QTMAN: variants seen among roughly 807,000 people sequenced by gnomAD.
The protein encoded by QTMAN is queuosine-tRNA mannosyltransferase, also known as tRNA-queuosine alpha-mannosyltransferase.
the QTMAN span, among the ~76,000 whole-genome samples, chr2:144,331,385 T>C: frequency 6.6e-6 from 1 of 152,062 alleles, no homozygotes; most frequent in South Asian, 2.1e-4. Flanking sequence ...ACCACTATTT[T>C]AAGCTTTAAA....
At chr2:144,277,654 A>AT in the QTMAN span, among the ~76,000 whole-genome samples, 1 of 150,876 alleles carries the variant, frequency 6.6e-6, no homozygotes, top group African/African-American at 2.4e-5. Context: ...CACCTACAAA[A>AT]TTTTTTTTTT....
At chr2:144,096,337 G>A in the QTMAN span, among the ~76,000 whole-genome samples, 2 of 152,158 alleles carry the variant, frequency 1.3e-5, no homozygotes, top group Non-Finnish European at 2.9e-5. Context: ...TTAAAAGAGA[G>A]CCACGCTTTC....
the QTMAN span, among the ~76,000 whole-genome samples, chr2:144,215,483 T>C: frequency 6.6e-6 from 1 of 152,068 alleles, no homozygotes; most frequent in Non-Finnish European, 1.5e-5. Context: ...CACAAATAAC[T>C]GGATAAGTAT....
the QTMAN span, among the ~76,000 whole-genome samples, chr2:144,108,824 A>G: frequency 3.3e-5 from 5 of 152,292 alleles, no homozygotes; most frequent in Non-Finnish European, 5.9e-5. Flanking sequence ...TGCTTCAAAG[A>G]GAATAAAATA....
chr2:144,316,317 C>T, the QTMAN span, among the ~76,000 whole-genome samples: 9 of 151,880 alleles, frequency 5.9e-5, no homozygotes, highest in East Asian at 3.9e-4. Flanking sequence ...TGTTACAGAG[C>T]TGCATATATC....
chr2:144,320,588 A>G, the QTMAN span, among the ~76,000 whole-genome samples: 36 of 152,048 alleles, frequency 2.4e-4, no homozygotes, highest in Non-Finnish European at 4.0e-4. Flanking sequence ...CAGTTCTCCA[A>G]CTTTGGCCTG....
At chr2:144,144,329 G>A in the QTMAN span, among the ~76,000 whole-genome samples, 1 of 151,826 alleles carries the variant, frequency 6.6e-6, no homozygotes, top group Non-Finnish European at 1.5e-5. Flanking sequence ...TCCCTGATAT[G>A]AGTGGATGTA....
At chr2:144,284,128 G>C in the QTMAN span, among the ~76,000 whole-genome samples, 1 of 151,876 alleles carries the variant, frequency 6.6e-6, no homozygotes, top group Non-Finnish European at 1.5e-5. Flanking sequence ...TAATCATACT[G>C]CTGTTCTACT....
the QTMAN span, among the ~76,000 whole-genome samples, chr2:144,263,401 ACATGTTGT>A: frequency 6.6e-6 from 1 of 152,094 alleles, no homozygotes; most frequent in Non-Finnish European, 1.5e-5. Flanking sequence ...AGATGTCTGG[ACATGTTGT>A]CACTATATTT....
chr2:144,324,618 A>AAGG, the QTMAN span, among the ~76,000 whole-genome samples: 1 of 152,166 alleles, frequency 6.6e-6, no homozygotes, highest in Non-Finnish European at 1.5e-5. Flanking sequence ...TCAGGCAATG[A>AAGG]CCTAGGAATT....
the QTMAN span, among the ~76,000 whole-genome samples, chr2:144,316,138 G>A: frequency 6.6e-6 from 1 of 151,968 alleles, no homozygotes; most frequent in African/African-American, 2.4e-5. Context: ...CTTCTCATGA[G>A]GCTGGGACGA....
the QTMAN span, among the ~76,000 whole-genome samples, chr2:144,061,993 T>G: frequency 3.9e-5 from 6 of 152,054 alleles, no homozygotes; most frequent in Admixed American, 1.3e-4. Context: ...GAGAGCCACC[T>G]CCATCATTCA....
At chr2:144,068,434 A>G in the QTMAN span, among the ~76,000 whole-genome samples, 1 of 152,236 alleles carries the variant, frequency 6.6e-6, no homozygotes, top group African/African-American at 2.4e-5. Context: ...CAAAAACATC[A>G]TCACAAAAGC....
the QTMAN span, among the ~76,000 whole-genome samples, chr2:144,296,698 C>T: frequency 6.6e-6 from 1 of 152,062 alleles, no homozygotes; most frequent in African/African-American, 2.4e-5. Flanking sequence ...AACACTGTAC[C>T]ATGTTGAAAC....
chr2:144,098,847 GA>G, the QTMAN span, among the ~76,000 whole-genome samples: 4,784 of 134,410 alleles, frequency 0.036, 191 homozygotes, highest in East Asian at 0.2. Flanking sequence ...ATTTCTCTTA[GA>G]AAAAAAAAAA....
At chr2:144,258,391 T>C in the QTMAN span, among the ~76,000 whole-genome samples, 1 of 152,160 alleles carries the variant, frequency 6.6e-6, no homozygotes, top group Non-Finnish European at 1.5e-5. Flanking sequence ...ATTTTTCTGA[T>C]GTTACGGAAT....
chr2:144,188,153 C>T, the QTMAN span, among the ~76,000 whole-genome samples: 1 of 152,120 alleles, frequency 6.6e-6, no homozygotes, highest in Non-Finnish European at 1.5e-5. Flanking sequence ...TTACAGCACC[C>T]TTAGGAAACT....
chr2:143,981,784 T>C, the QTMAN span, among the ~76,000 whole-genome samples: 1 of 152,226 alleles, frequency 6.6e-6, no homozygotes, highest in East Asian at 1.9e-4. Context: ...CAATATGGAA[T>C]GTCTGTTCTA....
chr2:144,036,325 A>G, the QTMAN span, among the ~76,000 whole-genome samples: 1 of 152,246 alleles, frequency 6.6e-6, no homozygotes, highest in Non-Finnish European at 1.5e-5. Flanking sequence ...CATAATTATT[A>G]CATATGTAGA....
Sources: allele counts gnomAD v4.1 joint callset (sites outside exome capture counted in the v4.1 genomes callset), GRCh38; gene constraint gnomAD v4.1.1; transcripts MANE v1.5; gene names NCBI Gene and HGNC (gene_info 2026-07-23, HGNC 2026-07-21).